Variants in TMEM200A observed in about 807,000 individuals in gnomAD.
TMEM200A encodes the protein two transmembrane C.
TMEM200A carries 12 observed loss-of-function variants against 24.3 expected under a neutral mutation model. That is an observed-to-expected ratio of 0.49 (90% CI 0.32 to 0.80). The LOEUF is 0.80. Ranked by LOEUF, TMEM200A falls within the 30% of genes least tolerant of loss-of-function variation. TMEM200A has a pLI of 0.04. For synonymous variants in TMEM200A, 224 were observed against 224.4 expected, an observed-to-expected ratio of 1.00 and a Z score of 0.02; for missense variants, 545 against 614.4, an observed-to-expected ratio of 0.89 and a Z score of 1.19.
intron 2 of TMEM200A, among the ~76,000 whole-genome samples, chr6:130,415,195 C>T (rs1190566346): frequency 1.3e-5 from 2 of 152,026 alleles, no homozygotes; most frequent in Non-Finnish European, 2.9e-5. Flanking sequence ...CTCTGAGGAA[C>T]AGAGGGCAAG....
chr6:130,417,332 G>A (rs759349968), intron 2 of TMEM200A, among the ~76,000 whole-genome samples: 2 of 152,094 alleles, frequency 1.3e-5, no homozygotes, highest in African/African-American at 2.4e-5. Flanking sequence ...GACAATCTGA[G>A]TTTGAAAAAA....
chr6:130,414,036 G>C (rs1026546330), intron 2 of TMEM200A, among the ~76,000 whole-genome samples: 2 of 152,010 alleles, frequency 1.3e-5, no homozygotes, highest in African/African-American at 2.4e-5. Flanking sequence ...TGGCAATATG[G>C]AATAATTGTT....
chr6:130,379,306 A>G (rs1305175416), intron 1 of TMEM200A, among the ~76,000 whole-genome samples: 1 of 152,196 alleles, frequency 6.6e-6, no homozygotes, highest in Non-Finnish European at 1.5e-5. Context: ...TTTCTTTCTC[A>G]TAAAGGGTTA....
intron 2 of TMEM200A, among the ~76,000 whole-genome samples, chr6:130,431,183 A>G (rs891905095): frequency 2.6e-5 from 4 of 152,204 alleles, no homozygotes; most frequent in African/African-American, 9.6e-5. Flanking sequence ...CCTGTAGGAA[A>G]GCCAACAGTG....
At chr6:130,407,348 C>T (rs2115149407) in intron 2 of TMEM200A, among the ~76,000 whole-genome samples, 1 of 152,310 alleles carries the variant, frequency 6.6e-6, no homozygotes, top group South Asian at 2.1e-4. Context: ...AAATATCACA[C>T]TTGCATGACA....
chr6:130,417,831 T>C (rs565753132), intron 2 of TMEM200A, among the ~76,000 whole-genome samples: 2 of 152,298 alleles, frequency 1.3e-5, no homozygotes, highest in East Asian at 1.9e-4. Context: ...CTGGTTGATA[T>C]TCATAATCAA....
intron 2 of TMEM200A, among the ~76,000 whole-genome samples, chr6:130,419,255 A>AT (rs773965664): frequency 1.3e-5 from 2 of 152,178 alleles, no homozygotes; most frequent in South Asian, 2.1e-4. Flanking sequence ...TGGTTTTACT[A>AT]TTTTTTGTGG....
intron 2 of TMEM200A, among the ~76,000 whole-genome samples, chr6:130,431,825 G>A (rs754777110): frequency 6.6e-6 from 1 of 152,148 alleles, no homozygotes; most frequent in Non-Finnish European, 1.5e-5. Context: ...AACAGAACAG[G>A]TGTAGATTTC....
intron 2 of TMEM200A, among the ~76,000 whole-genome samples, chr6:130,388,857 T>TGAC (rs1778771773): frequency 1.3e-5 from 2 of 152,190 alleles, no homozygotes; most frequent in Admixed American, 1.3e-4. Flanking sequence ...ACCTAACTCA[T>TGAC]GACATTTGGC....
chr6:130,421,510 TTGTGTG>T (rs60156754), intron 2 of TMEM200A, among the ~76,000 whole-genome samples: 12 of 149,034 alleles, frequency 8.1e-5, no homozygotes, highest in East Asian at 7.9e-4. Flanking sequence ...ACAGTTACCT[TTGTGTG>T]TGTGTGTGTG....
In TMEM200A at chr6:130,410,286, A is replaced by G. The variant is rs1265356319; in HGVS notation, c.-17+25050A>G. On this transcript the variant is annotated intron_variant, in intron 2 of 2. Transcript: ENST00000296978. ...TTTGCTCTCATCTTACATATTAGAA[A>G]CTCTTCAGTAAGAGACAACTAAAGG... Among the ~76,000 whole-genome samples the G allele has an allele frequency of 7.9e-5, 12 of 152,054 alleles. 1 individual carries two copies. Among genetic ancestry groups the G allele is most frequent in the Admixed American group, 7.9e-4 (12 of 15,256 alleles).
At chr6:130,377,475 A>C (rs1009838149) in intron 1 of TMEM200A, among the ~76,000 whole-genome samples, 1 of 152,156 alleles carries the variant, frequency 6.6e-6, no homozygotes, top group Non-Finnish European at 1.5e-5. Context: ...ATCTAGCTGC[A>C]GGCCTCTGGG....
chr6:130,386,450 A>G (rs890728960), intron 2 of TMEM200A, among the ~76,000 whole-genome samples: 3 of 152,214 alleles, frequency 2.0e-5, no homozygotes, highest in African/African-American at 7.2e-5. Context: ...AAAGGAAACT[A>G]TGTTATTGTC....
At chr6:130,397,629 T>C (rs1348966119) in intron 2 of TMEM200A, among the ~76,000 whole-genome samples, 1 of 151,532 alleles carries the variant, frequency 6.6e-6, no homozygotes, top group Non-Finnish European at 1.5e-5. Context: ...TGGTTTTTTT[T>C]GAAATCCAAT....
chr6:130,429,047 T>G (rs185953069), intron 2 of TMEM200A, among the ~76,000 whole-genome samples: 1 of 152,154 alleles, frequency 6.6e-6, no homozygotes, highest in Admixed American at 6.6e-5. Context: ...AAAAAAACTA[T>G]GGCATAAAAC....
At chr6:130,437,049 A>T (rs562555117) in intron 2 of TMEM200A, 1 of 152,132 alleles carries the variant, frequency 6.6e-6, no homozygotes, top group East Asian at 1.9e-4. Context: ...GTTCAGATTA[A>T]TTTTTTCTAA....
At chr6:130,370,915 C>T (rs1404649415) in intron 1 of TMEM200A, among the ~76,000 whole-genome samples, 1 of 152,138 alleles carries the variant, frequency 6.6e-6, no homozygotes, top group East Asian at 1.9e-4. Context: ...GTGATTAACA[C>T]AGAACTATTG....
At chr6:130,413,229 T>C (rs888244580) in intron 2 of TMEM200A, among the ~76,000 whole-genome samples, 4 of 152,256 alleles carry the variant, frequency 2.6e-5, no homozygotes, top group Admixed American at 6.5e-5. Context: ...TGGAACTGGC[T>C]GTGAAGCCCT....
Position 130,442,655 on chromosome 6 carries a change from A to G in TMEM200A, c.*757A>G, listed in dbSNP as rs1780225724. ...TTGATAAACTAAATGAACCAATAAAATTTGTAGAAATGCTATCCTGAAATA... is the reference window on the plus strand; with the variant it reads ...TTGATAAACTAAATGAACCAATAAAGTTTGTAGAAATGCTATCCTGAAATA... On this transcript the variant is annotated 3_prime_UTR_variant, in exon 3 of 3. Transcript: ENST00000296978. 1 of 166,750 alleles carries G rather than the reference A, an allele frequency of 6.0e-6. No individual in the cohort carries two copies. Among genetic ancestry groups the G allele is most frequent in the African/African-American group, 2.4e-5 (1 of 41,468 alleles). 10.3% of individuals were successfully genotyped at this position (166,750 alleles called of 1,614,324 possible).
Sources: gnomAD v4.1 joint callset for allele counts (sites outside exome capture counted in the v4.1 genomes callset) on GRCh38, gnomAD v4.1.1 for gene constraint, MANE v1.5 for transcripts, NCBI Gene and HGNC (gene_info 2026-07-23, HGNC 2026-07-21) for gene names.